Variants in MGST1 observed in about 807,000 individuals in gnomAD.
The protein encoded by MGST1 is glutathione S-transferase 12.
In MGST1, 5 loss-of-function variants were observed where a neutral mutation model predicts 8.9. That is an observed-to-expected ratio of 0.56 (90% CI 0.29 to 1.19). The LOEUF (loss-of-function observed/expected upper bound fraction) is 1.19. Ranked by LOEUF, MGST1 falls within the 50% of genes most tolerant of loss-of-function variation. MGST1 has a pLI of 0.08. For synonymous variants in MGST1, 54 were observed against 67.8 expected, an observed-to-expected ratio of 0.80 and a Z score of 1.00; for missense variants, 182 against 187.4, an observed-to-expected ratio of 0.97 and a Z score of 0.17.
At chr12:16,448,981 A>C (rs1457344331) in intron 4 of MGST1, among the ~76,000 whole-genome samples, 1 of 152,010 alleles carries the variant, frequency 6.6e-6, no homozygotes, top group African/African-American at 2.4e-5. Context: ...TGACAAGAAT[A>C]GTCCATAAAA....
intron 1 of MGST1, among the ~76,000 whole-genome samples, chr12:16,386,942 T>G (rs1027990015): frequency 6.6e-6 from 1 of 152,216 alleles, no homozygotes; most frequent in South Asian, 2.1e-4. Context: ...GCCAGCTTGG[T>G]GATCAGATCG....
At chr12:16,414,884 C>T (rs766710553) in intron 1 of MGST1, among the ~76,000 whole-genome samples, 5 of 152,120 alleles carry the variant, frequency 3.3e-5, no homozygotes, top group South Asian at 4.2e-4. Context: ...ATTAGCCGGG[C>T]GTGATGGCAC....
rs754368865 is a variant in MGST1 at position 16,560,523 on chromosome 12, C to T, written n.483-29005C>T. 1.4e-5 allele frequency: 22 copies of T among 1,611,606 alleles called. No individual in the cohort carries two copies. Among genetic ancestry groups the T allele is most frequent in the African/African-American group, 4.0e-5 (3 of 74,704 alleles). On this transcript the variant is annotated intron_variant and non_coding_transcript_variant, in intron 4 of 4. Transcript: ENST00000538857. This position sits in a 1 kb window ranked among gnomAD's most constrained non-coding sequence, Gnocchi z 5.0. Reference sequence around the variant, plus strand: ...GCTTACTACAGGCAGCGCAGTTTCCCGTTACACCAAAGAGCCTAGAATAAG... The same window carrying T: ...GCTTACTACAGGCAGCGCAGTTTCCTGTTACACCAAAGAGCCTAGAATAAG...
At chr12:16,539,230 C>T (rs1196072897) in intron 4 of MGST1, among the ~76,000 whole-genome samples, 2 of 151,974 alleles carry the variant, frequency 1.3e-5, no homozygotes. Flanking sequence ...CTTTGTTTCC[C>T]ATCAACTTCA....
rs539700724 is a variant in MGST1, at chr12:16,361,452, A to G, written c.222-2343A>G. ...AGGAGAAAGAAGAATGGGAAAATGTAATCATGGGGAAGAAGGGTAATAGAC... is the reference window on the plus strand; with the variant it reads ...AGGAGAAAGAAGAATGGGAAAATGTGATCATGGGGAAGAAGGGTAATAGAC... On this transcript the variant is annotated intron_variant, in intron 3 of 3. Transcript: ENST00000396210. The surrounding 1 kb of genome is among the most constrained non-coding windows in gnomAD (Gnocchi z 4.2). Among the ~76,000 whole-genome samples, 2 of 152,340 alleles carry G rather than the reference A, an allele frequency of 1.3e-5. No individual in the cohort carries two copies. Among genetic ancestry groups the G allele is most frequent in the African/African-American group, 4.8e-5 (2 of 41,582 alleles).
At chr12:16,399,361 C>T (rs1708836920) in intron 1 of MGST1, 1 of 1,534,812 alleles carries the variant, frequency 6.5e-7, no homozygotes, top group African/African-American at 1.4e-5. Context: ...AAACTGTGCA[C>T]AGATGCCTTC....
At chr12:16,386,635 T>A (rs1233193786) in intron 1 of MGST1, among the ~76,000 whole-genome samples, 1 of 152,240 alleles carries the variant, frequency 6.6e-6, no homozygotes, top group Non-Finnish European at 1.5e-5. Flanking sequence ...CTGATGTTAC[T>A]GTATATGACC....
intron 1 of MGST1, among the ~76,000 whole-genome samples, chr12:16,395,011 G>A (rs1940592969): frequency 6.6e-6 from 1 of 151,794 alleles, no homozygotes; most frequent in Non-Finnish European, 1.5e-5. Context: ...TTTTTCACAT[G>A]CTTTACAATT....
chr12:16,558,564 TG>T (rs1376300564), intron 4 of MGST1, among the ~76,000 whole-genome samples: 1 of 151,662 alleles, frequency 6.6e-6, no homozygotes, highest in Non-Finnish European at 1.5e-5. Flanking sequence ...ACCAAAAACA[TG>T]TGCATTTGCC....
intron 4 of MGST1, among the ~76,000 whole-genome samples, chr12:16,527,442 T>A (rs1234745932): frequency 6.6e-6 from 1 of 152,016 alleles, no homozygotes; most frequent in African/African-American, 2.4e-5. Flanking sequence ...GTATGTTGCA[T>A]TAAAATTTTG....
chr12:16,486,083 T>C (rs895916135), intron 4 of MGST1, among the ~76,000 whole-genome samples: 3 of 152,210 alleles, frequency 2.0e-5, no homozygotes, highest in Non-Finnish European at 4.4e-5. Context: ...TTCCCTGCTC[T>C]TATTCAGGCC....
chr12:16,387,298 A>T (rs1940512328), intron 1 of MGST1, among the ~76,000 whole-genome samples: 1 of 152,160 alleles, frequency 6.6e-6, no homozygotes, highest in South Asian at 2.1e-4. Flanking sequence ...CAGCTGGAAA[A>T]TTTCTATCAC....
intron 4 of MGST1, among the ~76,000 whole-genome samples, chr12:16,494,480 C>T (rs974266499): frequency 6.6e-6 from 1 of 152,010 alleles, no homozygotes; most frequent in African/African-American, 2.4e-5. Context: ...AATTGTAAGA[C>T]CTGGACTAAC....
intron 4 of MGST1, among the ~76,000 whole-genome samples, chr12:16,459,313 T>C (rs1941202051): frequency 6.6e-6 from 1 of 152,108 alleles, no homozygotes; most frequent in Non-Finnish European, 1.5e-5. Context: ...ACCATGAGCT[T>C]CAAAGCCTCT....
intron 4 of MGST1, among the ~76,000 whole-genome samples, chr12:16,499,544 C>G (rs1358317756): frequency 1.3e-5 from 2 of 152,076 alleles, no homozygotes; most frequent in Non-Finnish European, 2.9e-5. Context: ...TTCATTCCTT[C>G]TTCTCATTTC....
chr12:16,375,727 T>C lies in MGST1; in HGVS notation c.222-395T>C, dbSNP rs79357813. On this transcript the variant is annotated intron_variant, in intron 3 of 3. Coordinates refer to the MGST1 transcript ENST00000535309. ...ACTACTGAATTTGAATTAGAAGTATTAGTTTTAACTGATGATGTGTTTTAT... is the reference window on the plus strand; with the variant it reads ...ACTACTGAATTTGAATTAGAAGTATCAGTTTTAACTGATGATGTGTTTTAT... Among the ~76,000 whole-genome samples the C allele has an allele frequency of 1.1e-3, 174 of 152,060 alleles. 1 individual carries two copies. Among genetic ancestry groups the C allele is most frequent in the African/African-American group, 4.1e-3 (169 of 41,500 alleles).
chr12:16,387,102 G>A (rs111652097), intron 1 of MGST1, among the ~76,000 whole-genome samples: 1 of 152,170 alleles, frequency 6.6e-6, no homozygotes, highest in East Asian at 1.9e-4. Context: ...TGCCTAATTT[G>A]TAAATTAAAC....
At chr12:16,561,930 A>C (rs112647620) in intron 4 of MGST1, among the ~76,000 whole-genome samples, 18 of 152,360 alleles carry the variant, frequency 1.2e-4, no homozygotes, top group African/African-American at 3.8e-4. Flanking sequence ...CGAAGTTTAC[A>C]TTCAAGAAGA....
At chr12:16,443,140 G>A (rs1047174292), downstream of MGST1, among the ~76,000 whole-genome samples, 18 of 151,382 alleles carry the variant, frequency 1.2e-4, no homozygotes, top group Admixed American at 2.6e-4. Context: ...TCTTACTTTC[G>A]ATGCAATTAT....
Sources: gnomAD v4.1 joint callset for allele counts (sites outside exome capture counted in the v4.1 genomes callset) on GRCh38, gnomAD v4.1.1 for gene constraint, Gnocchi (gnomAD v3.1) non-coding constraint, MANE v1.5 for transcripts, NCBI Gene and HGNC (gene_info 2026-07-23, HGNC 2026-07-21) for gene names.